Variants in ENOX1 observed in about 807,000 individuals in gnomAD.
ENOX1 encodes ecto-NOX disulfide-thiol exchanger 1.
ENOX1 carries 42 observed loss-of-function variants against 82.5 expected under a neutral mutation model. The ratio of observed to expected loss-of-function variants is 0.51; its 90% CI spans 0.40 to 0.66. ENOX1 has a LOEUF of 0.66. Among genes scored for constraint, ENOX1 ranks in the 30% least tolerant of loss-of-function variants. The probability of loss-of-function intolerance (pLI) is 0.00; values close to 1 mark genes in which losing one functional copy is unlikely to be tolerated. For missense variants in ENOX1, 608 were observed against 811.6 expected (o/e 0.75, Z 3.05); for synonymous variants, 271 against 282.2 (o/e 0.96, Z 0.40).
At chr13:43,670,205 G>A (rs764076024) in intron 1 of ENOX1, among the ~76,000 whole-genome samples, 3 of 152,098 alleles carry the variant, frequency 2.0e-5, no homozygotes, top group Non-Finnish European at 4.4e-5. Context: ...ATAAATATAT[G>A]AAGATTATCG....
chr13:43,711,728 A>G (rs1395809041), intron 1 of ENOX1, among the ~76,000 whole-genome samples: 3 of 151,928 alleles, frequency 2.0e-5, no homozygotes, highest in Non-Finnish European at 2.9e-5. Flanking sequence ...TCTTTTGAGA[A>G]GTGTCTGTTC....
At chr13:43,588,472 TA>T (rs1338456114) in intron 2 of ENOX1, among the ~76,000 whole-genome samples, 1 of 152,234 alleles carries the variant, frequency 6.6e-6, no homozygotes, top group Non-Finnish European at 1.5e-5. Context: ...ATATAACCCT[TA>T]AAAAAATAAT....
chr13:43,445,889 A>T (rs989301978), intron 3 of ENOX1, among the ~76,000 whole-genome samples: 15 of 152,304 alleles, frequency 9.8e-5, no homozygotes, highest in African/African-American at 3.6e-4. Flanking sequence ...ATCTTCACAG[A>T]CATAAACCTG....
At chr13:43,293,753 C>CTT (rs1353003264) in intron 12 of ENOX1, among the ~76,000 whole-genome samples, 17 of 152,322 alleles carry the variant, frequency 1.1e-4, no homozygotes, top group African/African-American at 4.1e-4. Flanking sequence ...TTCAAAAATA[C>CTT]TTTCATTTAT....
At chr13:43,409,456 G>C (rs111909854) in intron 5 of ENOX1, among the ~76,000 whole-genome samples, 1 of 152,100 alleles carries the variant, frequency 6.6e-6, no homozygotes, top group African/African-American at 2.4e-5. Context: ...AAGAACAAAG[G>C]AGTAAGAAGA....
At chr13:43,402,472 G>A (rs893627666) in intron 5 of ENOX1, among the ~76,000 whole-genome samples, 1 of 152,160 alleles carries the variant, frequency 6.6e-6, no homozygotes, top group African/African-American at 2.4e-5. Context: ...TTTAATGATA[G>A]AGGAAATACA....
At chr13:43,261,076 C>T (rs759445086) in intron 14 of ENOX1, among the ~76,000 whole-genome samples, 21 of 152,128 alleles carry the variant, frequency 1.4e-4, no homozygotes, top group Non-Finnish European at 2.2e-4. Context: ...GGCATGCATT[C>T]GCAGATGATC....
intron 2 of ENOX1, among the ~76,000 whole-genome samples, chr13:43,589,464 T>A (rs1403291157): frequency 6.6e-6 from 1 of 151,956 alleles, no homozygotes; most frequent in Non-Finnish European, 1.5e-5. Flanking sequence ...TCTCAGATGG[T>A]GTGAAGTTTA....
At chr13:43,312,417 G>A (rs1593865098) in intron 11 of ENOX1, among the ~76,000 whole-genome samples, 1 of 152,264 alleles carries the variant, frequency 6.6e-6, no homozygotes, top group South Asian at 2.1e-4. Flanking sequence ...CCCAGACCCT[G>A]GGGGTGCAAA....
intron 2 of ENOX1, among the ~76,000 whole-genome samples, chr13:43,538,398 A>AATCTG (rs2078560372): frequency 1.3e-5 from 2 of 152,192 alleles, no homozygotes; most frequent in East Asian, 3.8e-4. Context: ...GGGGTGGGTT[A>AATCTG]AATAACATTC....
At chr13:43,603,716 C>A (rs918960024) in intron 2 of ENOX1, among the ~76,000 whole-genome samples, 19 of 125,852 alleles carry the variant, frequency 1.5e-4, no homozygotes, top group Non-Finnish European at 2.7e-4. Flanking sequence ...AGGACATGAA[C>A]TCATCATTTT....
rs9590750 is a variant in ENOX1, at chr13:43,227,105, A to C, written c.1715-2967T>G. Among the ~76,000 whole-genome samples, 954 of 152,344 alleles carry C rather than the reference A, an allele frequency of 6.3e-3. 12 individuals are homozygous for C. Among genetic ancestry groups the C allele is most frequent in the African/African-American group, 0.022 (913 of 41,576 alleles). ...AACATAAATGTCTTTAATAGGATGA[A>C]TAGAACAAGTCAGAGGAGGATGGGG... On this transcript the variant is annotated intron_variant, in intron 15 of 16. Transcript: ENST00000690772.
At chr13:43,331,181 G>A (rs922565252) in intron 9 of ENOX1, among the ~76,000 whole-genome samples, 1 of 152,200 alleles carries the variant, frequency 6.6e-6, no homozygotes, top group African/African-American at 2.4e-5. Flanking sequence ...CTCTGGGCAG[G>A]AATGCATGGG....
chr13:43,286,927 G>A (rs772936060), intron 12 of ENOX1, among the ~76,000 whole-genome samples: 6 of 152,132 alleles, frequency 3.9e-5, no homozygotes, highest in Non-Finnish European at 8.8e-5. Flanking sequence ...AGCATATGAA[G>A]GAGGGAACTT....
chr13:43,561,658 A>G (rs1484812224), intron 2 of ENOX1, among the ~76,000 whole-genome samples: 1 of 152,164 alleles, frequency 6.6e-6, no homozygotes, highest in Non-Finnish European at 1.5e-5. Flanking sequence ...TTAGTACTAC[A>G]TAACCACAGA....
chr13:43,324,900 C>A (rs1279716355), intron 10 of ENOX1, among the ~76,000 whole-genome samples: 1 of 152,242 alleles, frequency 6.6e-6, no homozygotes, highest in Non-Finnish European at 1.5e-5. Context: ...CACTCACATT[C>A]TAATGATGGC....
chr13:43,520,487 TA>T (rs2077722078), intron 2 of ENOX1, among the ~76,000 whole-genome samples: 1 of 152,210 alleles, frequency 6.6e-6, no homozygotes, highest in South Asian at 2.1e-4. Context: ...GTATCACTAA[TA>T]AATACCATAT....
At chr13:43,316,214 C>T (rs533069715) in intron 11 of ENOX1, among the ~76,000 whole-genome samples, 1 of 152,162 alleles carries the variant, frequency 6.6e-6, no homozygotes, top group African/African-American at 2.4e-5. Flanking sequence ...GGAGACCCCA[C>T]CCAGGTCTAA....
intron 15 of ENOX1, among the ~76,000 whole-genome samples, chr13:43,234,476 C>A (rs2042427542): frequency 1.3e-5 from 2 of 152,136 alleles, no homozygotes; most frequent in South Asian, 4.1e-4. Context: ...TAAATGTTCT[C>A]ATATATTGAT....
Sources: gnomAD v4.1 joint callset for allele counts (sites outside exome capture counted in the v4.1 genomes callset) on GRCh38, gnomAD v4.1.1 for gene constraint, MANE v1.5 for transcripts, NCBI Gene and HGNC (gene_info 2026-07-23, HGNC 2026-07-21) for gene names.